Variants in ANO3 observed in about 807,000 individuals in gnomAD.
ANO3 encodes anoctamin 3, also known as anoctamin-3.
ANO3 carries 99 observed loss-of-function variants against 144.8 expected under a neutral mutation model. That is an observed-to-expected ratio of 0.68 (90% CI 0.58 to 0.81). The LOEUF (loss-of-function observed/expected upper bound fraction) is 0.81. Ranked by LOEUF, ANO3 falls within the 30% of genes least tolerant of loss-of-function variation. The probability of loss-of-function intolerance (pLI) is 0.00; values close to 1 mark genes in which losing one functional copy is unlikely to be tolerated. For synonymous variants in ANO3, 414 were observed against 392.6 expected, an observed-to-expected ratio of 1.05 and a Z score of -0.64; for missense variants, 905 against 1,202.2, an observed-to-expected ratio of 0.75 and a Z score of 3.66.
chr11:26,548,966 C>T, intron 12 of ANO3, among the ~76,000 whole-genome samples: 1 of 143,106 alleles, frequency 7.0e-6, no homozygotes, highest in South Asian at 2.2e-4. Flanking sequence ...AAAAAAAAAA[C>T]ACTTTTAAGA....
chr11:26,462,849 T>G (rs1457704121), intron 3 of ANO3, among the ~76,000 whole-genome samples, 181 bp from the exon 4 acceptor site: 1 of 151,862 alleles, frequency 6.6e-6, no homozygotes, highest in Non-Finnish European at 1.5e-5. Context: ...ACATTACTTT[T>G]ATGTGCTTAT....
At chr11:26,544,780 G>C (rs764102787) in intron 11 of ANO3, among the ~76,000 whole-genome samples, 16 of 151,886 alleles carry the variant, frequency 1.1e-4, no homozygotes, top group Non-Finnish European at 2.4e-4. Flanking sequence ...TGCTTCTTCA[G>C]GTAATTCCAG....
At chr11:26,212,051 C>T (rs896289612) in intron 1 of ANO3, among the ~76,000 whole-genome samples, 1 of 151,888 alleles carries the variant, frequency 6.6e-6, no homozygotes, top group Non-Finnish European at 1.5e-5. Context: ...CACACTGGGG[C>T]CTGTCAGGTG....
At chr11:26,533,628 A>G (rs1380411369) in intron 8 of ANO3, among the ~76,000 whole-genome samples, 1 of 152,184 alleles carries the variant, frequency 6.6e-6, no homozygotes, top group African/African-American at 2.4e-5. Flanking sequence ...GTCAGGTGGG[A>G]AAACGCAAGG....
intron 17 of ANO3, among the ~76,000 whole-genome samples, chr11:26,609,133 G>T (rs1223500624): frequency 6.6e-6 from 1 of 152,138 alleles, no homozygotes; most frequent in Non-Finnish European, 1.5e-5. Flanking sequence ...CAGTTTCCCA[G>T]GCTGGGTAGC....
chr11:26,198,024 T>C (rs1188357472), intron 1 of ANO3, among the ~76,000 whole-genome samples: 1 of 152,078 alleles, frequency 6.6e-6, no homozygotes, highest in Non-Finnish European at 1.5e-5. Context: ...TTGGGAGCCA[T>C]CAAAAATGGT....
At chr11:26,647,247 C>T (rs926093943) in intron 23 of ANO3, among the ~76,000 whole-genome samples, 4 of 152,226 alleles carry the variant, frequency 2.6e-5, no homozygotes, top group African/African-American at 9.6e-5. Context: ...GTTCTTACCA[C>T]CAGACTAGTT....
At chr11:26,415,369 C>T (rs1857554265) in intron 1 of ANO3, among the ~76,000 whole-genome samples, 1 of 152,006 alleles carries the variant, frequency 6.6e-6, no homozygotes, top group Admixed American at 6.6e-5. Flanking sequence ...CCATGTTATA[C>T]CCTGATCTGT....
At chr11:26,503,166 C>A (rs1213843949) in intron 4 of ANO3, among the ~76,000 whole-genome samples, 2 of 152,072 alleles carry the variant, frequency 1.3e-5, no homozygotes, top group Admixed American at 6.5e-5. Flanking sequence ...TGCATCCCAC[C>A]CTCTCTGAGA....
chr11:26,463,098 A>G lies in ANO3; in HGVS notation c.382A>G (p.Asn128Asp), dbSNP rs776771335. Residue 128 changes from asparagine (N) to aspartate (D), a missense_variant, in exon 4 of 27, where the codon AAT (asparagine) becomes GAT (aspartate). By Grantham distance (23) the Asn-to-Asp change is conservative. Transcript: ENST00000256737. The part of the protein sequence containing the change: ...HATYDRSRLI[N>D]DFVIKDKSEF... ...TACTTATGACCGATCTCGTCTCATT[A>G]ATGACTTTGTTATCAAAGATAAATC... is the stretch of plus-strand genomic sequence containing the variant. 6.3e-7 allele frequency: 1 copy of G among 1,596,694 alleles called. No individual in the cohort carries two copies.
At chr11:26,319,839 T>C (rs1440410578) in intron 1 of ANO3, among the ~76,000 whole-genome samples, 7 of 151,538 alleles carry the variant, frequency 4.6e-5, no homozygotes, top group African/African-American at 7.3e-5. Flanking sequence ...TTTAAAAATA[T>C]TTCTTTCTAT....
At position 26,261,212 on chromosome 11, in the gene ANO3, T is replaced by C. The variant is rs1853180401; in HGVS notation, c.155-48433T>C. On this transcript the variant is annotated intron_variant, in intron 1 of 27. Transcript: ENST00000672621. Reference sequence around the variant, plus strand: ...GTCACTTTGGGATGGCTTTTCACTATTTTTTTTTACTTGTCCATAAAAAAT... The same window carrying C: ...GTCACTTTGGGATGGCTTTTCACTACTTTTTTTTACTTGTCCATAAAAAAT... 2.7e-5 allele frequency among the ~76,000 whole-genome samples: 4 copies of C among 150,816 alleles called. No individual in the cohort carries two copies. The South Asian group carries it at 8.4e-4, about 32-fold the overall frequency.
chr11:26,599,465 G>A, intron 16 of ANO3, 85 bp from the exon 17 acceptor site: 1 of 1,319,788 alleles, frequency 7.6e-7, no homozygotes, highest in East Asian at 2.3e-5. Flanking sequence ...CAATTCTTGG[G>A]GACAGTAGAT....
chr11:26,254,753 G>C (rs372578404), intron 1 of ANO3, among the ~76,000 whole-genome samples: 4 of 152,210 alleles, frequency 2.6e-5, no homozygotes, highest in Middle Eastern at 3.4e-3. Flanking sequence ...CTAAATAGCA[G>C]AGTTTCTATA....
chr11:26,318,131 A>G (rs1854670623), intron 1 of ANO3, among the ~76,000 whole-genome samples: 1 of 152,134 alleles, frequency 6.6e-6, no homozygotes, highest in African/African-American at 2.4e-5. Context: ...TAGGGGAGGG[A>G]TAGCATTAGG....
At chr11:26,297,994 G>A (rs992022934) in intron 1 of ANO3, among the ~76,000 whole-genome samples, 2 of 152,190 alleles carry the variant, frequency 1.3e-5, no homozygotes, top group African/African-American at 2.4e-5. Context: ...AAAATGAGGA[G>A]CATAGAAACT....
intron 20 of ANO3, among the ~76,000 whole-genome samples, chr11:26,637,168 AC>A (rs1262997416): frequency 2.0e-5 from 3 of 152,272 alleles, no homozygotes; most frequent in Non-Finnish European, 4.4e-5. Flanking sequence ...AAACTATTGG[AC>A]CCCCTTCTCT....
intron 13 of ANO3, 186 bp from the exon 14 acceptor site, chr11:26,559,532 TC>T (rs1419794130): frequency 3.5e-6 from 2 of 566,378 alleles, no homozygotes; most frequent in Admixed American, 2.9e-5. Context: ...TCTTCACCTC[TC>T]CCCATGAGAA....
At chr11:26,375,272 G>T (rs756529563) in intron 1 of ANO3, among the ~76,000 whole-genome samples, 1 of 152,096 alleles carries the variant, frequency 6.6e-6, no homozygotes, top group Admixed American at 6.5e-5. Context: ...CCACTGATCT[G>T]ACAGGAGGTG....
Sources: allele counts gnomAD v4.1 joint callset (sites outside exome capture counted in the v4.1 genomes callset), GRCh38; gene constraint gnomAD v4.1.1; transcripts MANE v1.5; gene names NCBI Gene and HGNC (gene_info 2026-07-23, HGNC 2026-07-21).